The following AIG1 variants were observed in gnomAD, a reference collection of about 807,000 sequenced individuals.
AIG1 encodes androgen induced 1.
AIG1 carries 23 observed loss-of-function variants against 31.4 expected under a neutral mutation model. The observed-to-expected ratio is 0.73, with a 90% CI of 0.53 to 1.04. AIG1 has a LOEUF of 1.04. Among genes scored for constraint, AIG1 ranks in the 50% least tolerant of loss-of-function variants. The pLI, the probability that AIG1 is intolerant of heterozygous loss-of-function variation, is 0.00. For missense variants in AIG1, 274 were observed against 295.0 expected (o/e 0.93, Z 0.52); for synonymous variants, 100 against 110.5 (o/e 0.90, Z 0.60).
chr6:143,282,808 C>G (rs1306288532), intron 3 of AIG1, among the ~76,000 whole-genome samples: 1 of 152,194 alleles, frequency 6.6e-6, no homozygotes, highest in African/African-American at 2.4e-5. Context: ...CTAAGATGTT[C>G]ATTTAGATAT....
At position 143,065,695 on chromosome 6, in the gene AIG1, C is replaced by A. The variant is rs138448795; in HGVS notation, c.141+4629C>A. 3.9e-4 allele frequency among the ~76,000 whole-genome samples: 60 copies of A among 152,268 alleles called. No homozygotes were observed. The East Asian group carries it at 0.011, about 27-fold the overall frequency. On this transcript the variant is annotated intron_variant, in intron 1 of 5. Transcript: ENST00000357847. ...CCAAATTTTCATTGAGTATTCTTTTCTTGTCCTGTCTCCTCCCAAAAACAT... is the reference window on the plus strand; with the variant it reads ...CCAAATTTTCATTGAGTATTCTTTTATTGTCCTGTCTCCTCCCAAAAACAT...
intron 1 of AIG1, among the ~76,000 whole-genome samples, chr6:143,086,214 C>G (rs1778767317): frequency 6.6e-6 from 1 of 152,156 alleles, no homozygotes; most frequent in South Asian, 2.1e-4. Flanking sequence ...AGGCTACACC[C>G]TTGTTTACAC....
At chr6:143,118,830 T>C (rs1324434051) in intron 1 of AIG1, among the ~76,000 whole-genome samples, 1 of 152,020 alleles carries the variant, frequency 6.6e-6, no homozygotes, top group Non-Finnish European at 1.5e-5. Context: ...AAAATTCCTA[T>C]ATGGAACTTC....
rs147022751 is a variant in AIG1 at position 143,129,243 on chromosome 6, A to C, written c.142-7592A>C. Among the ~76,000 whole-genome samples, 146 of 152,320 alleles carry C rather than the reference A, an allele frequency of 9.6e-4. 1 individual carries two copies. The highest frequency in any genetic ancestry group is 3.4e-3 in the African/African-American group (143 of 41,570). ...GAGGCGGAGCTTGCAGTGAGCCGAG[A>C]TCGCACCACTGCACTCCAGCCTGGG... On this transcript the variant is annotated intron_variant, in intron 1 of 5. Coordinates refer to ENST00000357847, the MANE Select transcript of AIG1 (RefSeq NM_016108.4).
chr6:143,237,256 A>G (rs1433104028), intron 3 of AIG1, among the ~76,000 whole-genome samples: 1 of 152,218 alleles, frequency 6.6e-6, no homozygotes, highest in African/African-American at 2.4e-5. Context: ...ATTTTTGAGC[A>G]TCTACTGTGT....
rs749404266 is a variant in AIG1, at chr6:143,290,584, A to G, written c.515+6359A>G. ...GTGCATGACTGAGCCCACTCACCCAACTCCTGAGATCTTATCAGGAAGCTG... is the reference window on the plus strand; with the variant it reads ...GTGCATGACTGAGCCCACTCACCCAGCTCCTGAGATCTTATCAGGAAGCTG... On this transcript the variant is annotated intron_variant, in intron 4 of 5. Coordinates refer to ENST00000357847, the MANE Select transcript of AIG1 (RefSeq NM_016108.4). Among the ~76,000 whole-genome samples the G allele has an allele frequency of 2.0e-5, 3 of 151,880 alleles. No individual in the cohort carries two copies. In the South Asian group the frequency reaches 6.2e-4, roughly 32 times the overall value.
chr6:143,264,661 G>C (rs1351264814), intron 3 of AIG1, among the ~76,000 whole-genome samples: 7 of 152,226 alleles, frequency 4.6e-5, no homozygotes, highest in Non-Finnish European at 1.0e-4. Flanking sequence ...CACTGAGCCA[G>C]AATCTCACAA....
rs148875231 is a variant in AIG1 at position 143,194,572 on chromosome 6, G to A, written c.399+29389G>A. On this transcript the variant is annotated intron_variant, in intron 3 of 5. Coordinates refer to ENST00000357847, the MANE Select transcript of AIG1 (RefSeq NM_016108.4). ...ACTTGGGTTGACTTATACATTTCTC[G>A]AATCCATCTATTTATTTGGATAATT... Among the ~76,000 whole-genome samples, 399 of 152,298 alleles carry A rather than the reference G, an allele frequency of 2.6e-3. 1 individual carries two copies. The highest frequency in any genetic ancestry group is 9.2e-3 in the African/African-American group (383 of 41,562).
At chr6:143,102,246 T>A (rs1310079110) in intron 1 of AIG1, among the ~76,000 whole-genome samples, 1 of 151,706 alleles carries the variant, frequency 6.6e-6, no homozygotes, top group Non-Finnish European at 1.5e-5. Flanking sequence ...GGTGCTAATA[T>A]TTTCCTCTTT....
chr6:143,146,192 C>T (rs1323152439), intron 2 of AIG1, among the ~76,000 whole-genome samples: 5 of 152,080 alleles, frequency 3.3e-5, no homozygotes, highest in South Asian at 2.1e-4. Context: ...TTCCTACTCT[C>T]TCTGGGGAAA....
intron 1 of AIG1, among the ~76,000 whole-genome samples, chr6:143,103,854 A>C (rs980029276): frequency 3.3e-5 from 5 of 152,052 alleles, no homozygotes; most frequent in African/African-American, 4.8e-5. Flanking sequence ...CACTTAAAGG[A>C]GCATTACCTG....
chr6:143,282,147 T>C (rs1274331400), intron 3 of AIG1, among the ~76,000 whole-genome samples: 2 of 152,202 alleles, frequency 1.3e-5, no homozygotes, highest in Non-Finnish European at 2.9e-5. Flanking sequence ...AACCAATATA[T>C]ATTTATTTAA....
intron 4 of AIG1, among the ~76,000 whole-genome samples, chr6:143,300,383 T>G (rs1165729328): frequency 6.6e-6 from 1 of 152,196 alleles, no homozygotes; most frequent in African/African-American, 2.4e-5. Context: ...TTTGTCCACA[T>G]TTGGCGCTCC....
At chr6:143,246,466 AC>A (rs1481175789) in intron 3 of AIG1, among the ~76,000 whole-genome samples, 6 of 152,082 alleles carry the variant, frequency 3.9e-5, no homozygotes, top group African/African-American at 1.4e-4. Flanking sequence ...CAAGAACAGC[AC>A]AGGAAAGACC....
intron 4 of AIG1, among the ~76,000 whole-genome samples, chr6:143,322,284 G>C (rs1413595197): frequency 6.6e-6 from 1 of 152,174 alleles, no homozygotes; most frequent in Non-Finnish European, 1.5e-5. Flanking sequence ...CGATGCCAGA[G>C]AGAGACACTG....
At position 143,190,360 on chromosome 6, in the gene AIG1, C is replaced by G. The variant is rs989242713; in HGVS notation, c.399+25177C>G. On this transcript the variant is annotated intron_variant, in intron 3 of 5. Coordinates refer to ENST00000357847, the MANE Select transcript of AIG1 (RefSeq NM_016108.4). ...TTGAGGCTCCTCATGCCCTTGCTCT[C>G]CCACTGACCTCAGTGCTCAGCACTG... is the stretch of plus-strand genomic sequence containing the variant. The G allele has an allele frequency of 1.6e-5, 16 of 985,434 alleles. 1 individual carries two copies. The highest frequency in any genetic ancestry group is 1.0e-3 in the Middle Eastern group (2 of 1,914). 61.0% of individuals were successfully genotyped at this position (985,434 alleles called of 1,614,324 possible). A position where few individuals can be genotyped will look rare whatever the true frequency, so the allele number is the denominator to read the frequency against.
intron 1 of AIG1, among the ~76,000 whole-genome samples, chr6:143,121,307 A>G (rs562522943): frequency 4.6e-5 from 7 of 152,324 alleles, no homozygotes; most frequent in African/African-American, 1.7e-4. Context: ...TATGTCTTCA[A>G]GTATGTGATT....
rs1777356747 is a variant in AIG1 at position 143,334,901 on chromosome 6, C to G, written c.679+1456C>G. 2.2e-6 allele frequency: 1 copy of G among 453,440 alleles called. No individual in the cohort carries two copies. The allele number at this position is 453,440 out of a possible 1,614,324, so 28.1% of individuals were successfully genotyped here. A position where few individuals can be genotyped will look rare whatever the true frequency, so the allele number is the denominator to read the frequency against. On this transcript the variant is annotated intron_variant, in intron 5 of 5. Coordinates refer to ENST00000357847, the MANE Select transcript of AIG1 (RefSeq NM_016108.4). The surrounding 1 kb of genome is among the most constrained non-coding windows in gnomAD (Gnocchi z 5.1). ...AAACCACTAGAGAGAAATATCCACT[C>G]TACATTAATAGAATACTGCTTTTTA...
chr6:143,237,012 G>A (rs970684426), intron 3 of AIG1, among the ~76,000 whole-genome samples: 2 of 152,128 alleles, frequency 1.3e-5, no homozygotes, highest in Admixed American at 1.3e-4. Context: ...GGAAATTGGG[G>A]CTCAGACAAG....
Sources: allele counts gnomAD v4.1 joint callset (sites outside exome capture counted in the v4.1 genomes callset), GRCh38; gene constraint gnomAD v4.1.1; non-coding constraint Gnocchi (gnomAD v3.1); transcripts MANE v1.5; gene names NCBI Gene and HGNC (gene_info 2026-07-23, HGNC 2026-07-21).